Variants in SORCS2 observed in about 807,000 individuals in gnomAD.
SORCS2 encodes the protein sortilin related VPS10 domain containing receptor 2, also known as VPS10 domain-containing receptor SorCS2.
SORCS2 carries 100 observed loss-of-function variants against 141.6 expected under a neutral mutation model. That is an observed-to-expected ratio of 0.71 (90% confidence interval 0.60 to 0.83). The LOEUF is 0.83. Among genes scored for constraint, SORCS2 ranks in the 40% least tolerant of loss-of-function variants. The probability of loss-of-function intolerance (pLI) is 0.00; values close to 1 mark genes in which losing one functional copy is unlikely to be tolerated. For missense variants in SORCS2, 1,646 were observed against 1,560.2 expected, an observed-to-expected ratio of 1.05 and a Z score of -0.93; for synonymous variants, 789 against 676.9, an observed-to-expected ratio of 1.17 and a Z score of -2.57.
chr4:7,200,383 G>C (rs1727424178), intron 1 of SORCS2, among the ~76,000 whole-genome samples: 1 of 152,066 alleles, frequency 6.6e-6, no homozygotes, highest in Non-Finnish European at 1.5e-5. Flanking sequence ...TCTCCCTGCA[G>C]CGCTCAGCTG....
intron 3 of SORCS2, among the ~76,000 whole-genome samples, chr4:7,616,957 G>A (rs1170181423): frequency 6.6e-6 from 1 of 152,176 alleles, no homozygotes; most frequent in Non-Finnish European, 1.5e-5. Context: ...GCCCTCTCTT[G>A]GCCCTTTTGA....
intron 1 of SORCS2, among the ~76,000 whole-genome samples, chr4:7,312,947 C>G (rs1212953029): frequency 2.0e-5 from 3 of 152,258 alleles, no homozygotes; most frequent in Non-Finnish European, 4.4e-5. Context: ...TGAGCAGCGA[C>G]TGTCCTGATA....
chr4:7,570,913 C>T (rs959456953), intron 3 of SORCS2, among the ~76,000 whole-genome samples: 4 of 152,218 alleles, frequency 2.6e-5, no homozygotes, highest in Non-Finnish European at 4.4e-5. Flanking sequence ...GGGGAGGGGC[C>T]GAGTCTCCTG....
chr4:7,558,554 G>A (rs1354377611), intron 3 of SORCS2, among the ~76,000 whole-genome samples: 4 of 152,222 alleles, frequency 2.6e-5, no homozygotes, highest in African/African-American at 9.6e-5. Flanking sequence ...AGCTCCCTCT[G>A]TGCTGGTGCG....
At chr4:7,479,666 G>A (rs563989788) in intron 2 of SORCS2, among the ~76,000 whole-genome samples, 19 of 150,394 alleles carry the variant, frequency 1.3e-4, no homozygotes, top group African/African-American at 3.5e-4. Flanking sequence ...TGTTTGCATC[G>A]GGGGGCCGTG....
chr4:7,266,429 A>AG (rs375042023), intron 1 of SORCS2, among the ~76,000 whole-genome samples: 324 of 152,198 alleles, frequency 2.1e-3, no homozygotes, highest in African/African-American at 7.5e-3. Context: ...TTCTTTCAGG[A>AG]GACCCGTTGA....
intron 1 of SORCS2, among the ~76,000 whole-genome samples, chr4:7,377,997 G>A (rs1722764913): frequency 6.6e-6 from 1 of 152,144 alleles, no homozygotes; most frequent in Non-Finnish European, 1.5e-5. Context: ...CTCCAAATAA[G>A]TCACAATATA....
intron 3 of SORCS2, among the ~76,000 whole-genome samples, chr4:7,562,402 G>A (rs1244215421): frequency 6.6e-6 from 1 of 152,158 alleles, no homozygotes; most frequent in Non-Finnish European, 1.5e-5. Flanking sequence ...GGGATGGCCT[G>A]GGATGAGGCT....
intron 1 of SORCS2, among the ~76,000 whole-genome samples, chr4:7,374,203 C>T (rs1218584673): frequency 1.5e-5 from 2 of 137,758 alleles, no homozygotes; most frequent in African/African-American, 2.7e-5. Flanking sequence ...TTCTTTTTTG[C>T]AGAGAGACGT....
At chr4:7,582,234 C>T (rs1416148338) in intron 3 of SORCS2, among the ~76,000 whole-genome samples, 1 of 152,110 alleles carries the variant, frequency 6.6e-6, no homozygotes, top group Non-Finnish European at 1.5e-5. Context: ...GTTAAGTTGC[C>T]CGAGGCCATA....
intron 2 of SORCS2, among the ~76,000 whole-genome samples, chr4:7,479,812 G>C (rs1730518915): frequency 6.6e-6 from 1 of 152,254 alleles, no homozygotes; most frequent in South Asian, 2.1e-4. Context: ...GCAGTGAGCA[G>C]AGTCAGCCTC....
At chr4:7,378,290 A>C (rs1015810081) in intron 1 of SORCS2, among the ~76,000 whole-genome samples, 6 of 152,182 alleles carry the variant, frequency 3.9e-5, no homozygotes, top group Admixed American at 3.9e-4. Flanking sequence ...CCATTCAGAT[A>C]ATTTAAGGCA....
At chr4:7,343,115 G>A (rs1401688546) in intron 1 of SORCS2, among the ~76,000 whole-genome samples, 1 of 152,228 alleles carries the variant, frequency 6.6e-6, no homozygotes, top group Non-Finnish European at 1.5e-5. Context: ...TCCGGGCACG[G>A]CAACAGGAGC....
At chr4:7,543,844 T>C (rs1463290720) in intron 3 of SORCS2, among the ~76,000 whole-genome samples, 238 of 12,168 alleles carry the variant, frequency 0.02, 1 homozygote, top group African/African-American at 0.024. Context: ...ATCCATCCAC[T>C]CATCCGTCCA....
In SORCS2 at chr4:7,683,281, C is replaced by G. The variant is rs111428201; in HGVS notation, c.1488+392C>G. Among the ~76,000 whole-genome samples, 38 of 69,058 alleles carry G rather than the reference C, an allele frequency of 5.5e-4. No homozygotes were observed. In the East Asian group the frequency reaches 9.8e-3, roughly 18 times the overall value. The allele number at this position is 69,058 out of a possible 152,430, so 45.3% of individuals were successfully genotyped here. A position where few individuals can be genotyped will look rare whatever the true frequency, so the allele number is the denominator to read the frequency against. On this transcript the variant is annotated intron_variant, in intron 10 of 26. Transcript: ENST00000507866. The stretch of plus-strand genomic sequence containing the variant: ...CTGACCTTGGCTGGGCTCAGCTGAG[C>G]GGCTCTGCTGACCTTGGCTGGGCTC...
chr4:7,396,308 G>A lies in SORCS2; in HGVS notation c.501G>A (p.Lys167=), dbSNP rs1252111312. Residue 167 remains lysine, a synonymous_variant, in exon 2 of 27, where the codon AAG becomes AAA. Transcript: ENST00000507866. ...ENSSVILILT[K]YYHADMGKVL... is the part of the protein sequence containing the mutation. ...CACAGGTGATCTTGATCCTGACGAAGTACTACCACGCAGACATGGGGAAGG... is the reference window on the plus strand; with the variant it reads ...CACAGGTGATCTTGATCCTGACGAAATACTACCACGCAGACATGGGGAAGG... The A allele has an allele frequency of 6.2e-7, 1 of 1,613,940 alleles. No homozygotes were observed. The highest frequency in any genetic ancestry group is 8.5e-7 in the Non-Finnish European group (1 of 1,179,874).
intron 1 of SORCS2, among the ~76,000 whole-genome samples, chr4:7,305,253 G>C (rs190745089): frequency 4.6e-5 from 7 of 152,146 alleles, no homozygotes; most frequent in East Asian, 1.9e-4. Context: ...GGATGGTCTC[G>C]ATCTGCTGAC....
chr4:7,330,771 G>A lies in SORCS2; in HGVS notation c.481-65517G>A, dbSNP rs367647013. 5.9e-4 allele frequency among the ~76,000 whole-genome samples: 89 copies of A among 152,052 alleles called. 1 individual carries two copies. The East Asian group carries it at 0.016, about 27-fold the overall frequency. ...TGATCAAGGAAACGGAGACTTCCAG[G>A]GAAGGAACATTCCTGAGGTCTCTCA... On this transcript the variant is annotated intron_variant, in intron 1 of 26. Coordinates refer to ENST00000507866, the MANE Select transcript of SORCS2 (RefSeq NM_020777.3).
At chr4:7,289,131 C>T (rs1716443223) in intron 1 of SORCS2, among the ~76,000 whole-genome samples, 1 of 152,194 alleles carries the variant, frequency 6.6e-6, no homozygotes, top group Non-Finnish European at 1.5e-5. Flanking sequence ...ATATGGATAT[C>T]TGTCATCCAG....
Sources: gnomAD v4.1 joint callset for allele counts (sites outside exome capture counted in the v4.1 genomes callset) on GRCh38, gnomAD v4.1.1 for gene constraint, MANE v1.5 for transcripts, NCBI Gene and HGNC (gene_info 2026-07-23, HGNC 2026-07-21) for gene names.